The following CYP4F22 variants were observed in gnomAD, a reference collection of about 807,000 sequenced individuals.
CYP4F22 encodes the protein cytochrome P450 family 4 subfamily F member 22.
A neutral mutation model predicts 60.4 loss-of-function variants in CYP4F22; 37 were observed. The observed-to-expected ratio is 0.61, with a 90% confidence interval of 0.47 to 0.81. The LOEUF (loss-of-function observed/expected upper bound fraction) is 0.81, where lower values mean the gene tolerates loss of function less well. CYP4F22 is among the 30% of genes least tolerant of loss of function. The pLI, the probability that CYP4F22 is intolerant of heterozygous loss-of-function variation, is 0.00. For missense variants in CYP4F22, 655 were observed against 715.0 expected (o/e 0.92, Z 0.96); for synonymous variants, 258 against 280.5 (o/e 0.92, Z 0.80).
Position 15,548,181 on chromosome 19 carries a change from CTT to C in CYP4F22, c.1211_1212del (p.Leu404ArgfsTer39). ...CCTGCGCCAGTACCCACCTGTCACTCTTGTCTCTCGCCAATGCACGGAGGACA... is the reference window on the plus strand; with the variant it reads ...CCTGCGCCAGTACCCACCTGTCACTCGTCTCTCGCCAATGCACGGAGGACA... ...ESLRQYPPVT[L>X]VSRQCTEDIK... On this transcript the variant is annotated frameshift_variant, in exon 11 of 14. Coordinates refer to ENST00000269703, the MANE Select transcript of CYP4F22 (RefSeq NM_173483.4). LOFTEE classifies it high-confidence loss of function. 1 of 1,614,162 alleles carries C rather than the reference CTT, an allele frequency of 6.2e-7. No individual in the cohort carries two copies. Among genetic ancestry groups the C allele is most frequent in the Non-Finnish European group, 8.5e-7 (1 of 1,180,038 alleles).
intron 8 of CYP4F22, among the ~76,000 whole-genome samples, 193 bp downstream of exon 8, chr19:15,540,910 C>A (rs1019441693): frequency 6.6e-6 from 1 of 152,120 alleles, no homozygotes; most frequent in Non-Finnish European, 1.5e-5. Context: ...CACAGGGAGA[C>A]CCTGTCTCTA....
At chr19:15,516,793 CAT>C in intron 1 of CYP4F22, 3 of 548,992 alleles carry the variant, frequency 5.5e-6, no homozygotes, top group Non-Finnish European at 8.9e-6. Flanking sequence ...CAGAGGATCT[CAT>C]GAGAGGTCCA....
intron 5 of CYP4F22, 36 bp from the exon 6 acceptor site, chr19:15,537,499 C>T (rs2144528194): frequency 1.9e-6 from 3 of 1,614,100 alleles, no homozygotes; most frequent in South Asian, 1.1e-5. Context: ...TTCAGAGTAA[C>T]AGGAGAGGTC....
rs748409630 is a variant in CYP4F22, at chr19:15,529,849, C to A, written c.363C>A (p.Ala121=). ...ATTACATCAAACCCCTTTTGGGAGC[C>A]TCAGGTACGTGGGCTGGGCCTCCGA... The part of the protein sequence containing the change: ...HPDYIKPLLG[A]SAAIAPKDDL... Residue 121 remains alanine (A), a synonymous_variant, in exon 4 of 14, where the codon GCC becomes GCA. Transcript: ENST00000269703. 1 of 1,614,022 alleles carries A rather than the reference C, an allele frequency of 6.2e-7. No homozygotes were observed. The highest frequency in any genetic ancestry group is 1.1e-5 in the South Asian group (1 of 91,078).
At chr19:15,548,882 G>C (rs1315274948) in intron 11 of CYP4F22, among the ~76,000 whole-genome samples, 2 of 152,154 alleles carry the variant, frequency 1.3e-5, no homozygotes, top group African/African-American at 4.8e-5. Flanking sequence ...GAGCTGAAGA[G>C]GAGCAATGTC....
chr19:15,536,593 G>C (rs1486061316), intron 4 of CYP4F22, among the ~76,000 whole-genome samples: 1 of 152,126 alleles, frequency 6.6e-6, no homozygotes, highest in African/African-American at 2.4e-5. Flanking sequence ...GAGCACAGGA[G>C]GTGTGATTCA....
chr19:15,549,344 T>C, intron 12 of CYP4F22, 142 bp downstream of exon 12: 1 of 798,746 alleles, frequency 1.3e-6, no homozygotes, highest in Middle Eastern at 2.3e-4. Flanking sequence ...CACCCACTGA[T>C]TGTTAATTCA....
In CYP4F22 at chr19:15,511,542, T is replaced by G. The variant is rs192396413; in HGVS notation, c.-109+2959T>G. ...TCCAGCCTTCTGGGGTCTGGCACTTTGGGGGAATATGTGAGTCTCTGGGGT... is the reference window on the plus strand; with the variant it reads ...TCCAGCCTTCTGGGGTCTGGCACTTGGGGGGAATATGTGAGTCTCTGGGGT... On this transcript the variant is annotated intron_variant, in intron 1 of 13. Transcript: ENST00000269703. 8.5e-5 allele frequency among the ~76,000 whole-genome samples: 13 copies of G among 152,168 alleles called. No homozygotes were observed. In the East Asian group the frequency reaches 2.3e-3, roughly 27 times the overall value.
chr19:15,516,524 T>C (rs575425830), intron 1 of CYP4F22: 108 of 221,270 alleles, frequency 4.9e-4, no homozygotes, highest in African/African-American at 2.3e-3. Flanking sequence ...CATTATTCCA[T>C]CTGCAAGGAG....
In CYP4F22 at chr19:15,549,017, C is replaced by T. The variant is rs1011810798; in HGVS notation, c.1271-121C>T. On this transcript the variant is annotated intron_variant, in intron 11 of 13. Transcript: ENST00000269703. ...GCAGAATTTTTTAGAGAAGGATGGACAGAAGGTGGTGGCAGATGGCTCATG... is the reference window on the plus strand; with the variant it reads ...GCAGAATTTTTTAGAGAAGGATGGATAGAAGGTGGTGGCAGATGGCTCATG... 13 of 1,053,918 alleles carry T rather than the reference C, an allele frequency of 1.2e-5. No homozygotes were observed. The South Asian group carries it at 1.6e-4, about 13-fold the overall frequency. 65.3% of individuals were successfully genotyped at this position (1,053,918 alleles called of 1,614,324 possible). A position where few individuals can be genotyped will look rare whatever the true frequency, so the allele number is the denominator to read the frequency against.
At chr19:15,516,834 T>C (rs1019697817) in intron 1 of CYP4F22, 5 of 382,810 alleles carry the variant, frequency 1.3e-5, no homozygotes, top group African/African-American at 2.2e-5. Flanking sequence ...GAGATGTTAT[T>C]CTTTTTTTTT....
intron 13 of CYP4F22, 41 bp downstream of exon 13, chr19:15,550,797 G>A: frequency 1.2e-6 from 2 of 1,606,540 alleles, no homozygotes; most frequent in Non-Finnish European, 1.7e-6. Context: ...AGCTGTGTAG[G>A]AACAGAGGCA....
At position 15,544,287 on chromosome 19, in the gene CYP4F22, T is replaced by TG; in HGVS notation, c.1136+12dup. On this transcript the variant is annotated intron_variant, in intron 10 of 13. Transcript: ENST00000269703. ...GCTGGAGGAGCTGGAGTGGTGAGTG[T>TG]GGGGTCAGGGGAATGGAGGGGGCAG... 6.2e-7 allele frequency: 1 copy of TG among 1,612,872 alleles called. No individual in the cohort carries two copies. Among genetic ancestry groups the TG allele is most frequent in the Non-Finnish European group, 8.5e-7 (1 of 1,179,688 alleles).
intron 8 of CYP4F22, among the ~76,000 whole-genome samples, chr19:15,542,350 A>G (rs575723684): frequency 6.6e-6 from 1 of 150,592 alleles, no homozygotes; most frequent in South Asian, 2.1e-4. Context: ...TGGCCAACAT[A>G]TTGAAACACC....
chr19:15,537,252 G>C (rs1157405861), intron 4 of CYP4F22, 109 bp from the exon 5 acceptor site: 2 of 1,421,874 alleles, frequency 1.4e-6, no homozygotes, highest in East Asian at 4.6e-5. Context: ...AGTGAGTGGA[G>C]ATCGCACCAC....
intron 12 of CYP4F22, among the ~76,000 whole-genome samples, chr19:15,550,308 G>C (rs181767570): frequency 1.5e-4 from 23 of 151,898 alleles, no homozygotes; most frequent in Admixed American, 2.6e-4. Context: ...AACAAACAAA[G>C]ACAGACAAAC....
chr19:15,524,919 T>A (rs369846748), intron 2 of CYP4F22, among the ~76,000 whole-genome samples: 1 of 152,246 alleles, frequency 6.6e-6, no homozygotes, highest in East Asian at 1.9e-4. Context: ...TTTAATCTCA[T>A]TGGGGAAGCC....
intron 1 of CYP4F22, among the ~76,000 whole-genome samples, chr19:15,509,103 C>T (rs952322306): frequency 1.3e-5 from 2 of 152,198 alleles, no homozygotes. Context: ...CCCATCCATG[C>T]CAGACGCAGA....
At chr19:15,542,410 A>G (rs1599811845) in intron 8 of CYP4F22, among the ~76,000 whole-genome samples, 1 of 151,866 alleles carries the variant, frequency 6.6e-6, no homozygotes, top group East Asian at 1.9e-4. Context: ...GGTGGCATGC[A>G]TCTGTAATCC....
Sources: allele counts gnomAD v4.1 joint callset (sites outside exome capture counted in the v4.1 genomes callset), GRCh38; gene constraint gnomAD v4.1.1; transcripts MANE v1.5; gene names NCBI Gene and HGNC (gene_info 2026-07-23, HGNC 2026-07-21).